The following FAF1 variants were observed in gnomAD, a reference collection of about 807,000 sequenced individuals.
FAF1 encodes the protein Fas associated factor 1.
In FAF1, 25 loss-of-function variants were observed where a neutral mutation model predicts 92.5. The ratio of observed to expected loss-of-function variants is 0.27; its 90% CI spans 0.20 to 0.38. FAF1 has a LOEUF of 0.38. Ranked by LOEUF, FAF1 falls within the 10% of genes least tolerant of loss-of-function variation. The pLI is 1.00. For synonymous variants in FAF1, 234 were observed against 273.2 expected, an observed-to-expected ratio of 0.86 and a Z score of 1.42; for missense variants, 636 against 793.3, an observed-to-expected ratio of 0.80 and a Z score of 2.38.
At chr1:50,642,879 T>C (rs889192092) in intron 8 of FAF1, among the ~76,000 whole-genome samples, 11 of 152,220 alleles carry the variant, frequency 7.2e-5, no homozygotes, top group African/African-American at 2.6e-4. Context: ...CTCATTCTGT[T>C]GCCCAGGTTA....
chr1:50,932,911 T>C (rs960025923), intron 1 of FAF1, among the ~76,000 whole-genome samples: 1 of 152,208 alleles, frequency 6.6e-6, no homozygotes, highest in African/African-American at 2.4e-5. Flanking sequence ...CAACACCATG[T>C]GGAAGCTGCC....
intron 4 of FAF1, among the ~76,000 whole-genome samples, chr1:50,780,176 A>T (rs1661118121): frequency 6.6e-6 from 1 of 152,204 alleles, no homozygotes; most frequent in South Asian, 2.1e-4. Flanking sequence ...TGGATATAAA[A>T]ACAAGACCCA....
chr1:50,729,924 C>T (rs910106576), intron 6 of FAF1, among the ~76,000 whole-genome samples: 5 of 151,866 alleles, frequency 3.3e-5, no homozygotes, highest in South Asian at 2.1e-4. Flanking sequence ...AGGAGGCTGA[C>T]GCAGGAGAGT....
chr1:50,554,530 G>C (rs918901237), intron 13 of FAF1, among the ~76,000 whole-genome samples: 37 of 151,882 alleles, frequency 2.4e-4, no homozygotes, highest in African/African-American at 8.5e-4. Context: ...CCGTACTATA[G>C]TCTTGCTCTT....
intron 16 of FAF1, 100 bp downstream of exon 16, chr1:50,491,621 A>AGAATCTT (rs1646839749): frequency 1.3e-6 from 1 of 771,766 alleles, no homozygotes; most frequent in Non-Finnish European, 2.2e-6. Context: ...AGCTTTCTCT[A>AGAATCTT]TTGCAAACCC....
chr1:50,762,983 C>T lies in FAF1; in HGVS notation c.368-18208G>A, dbSNP rs1367993571. 4.6e-5 allele frequency among the ~76,000 whole-genome samples: 7 copies of T among 152,278 alleles called. No homozygotes were observed. The South Asian group carries it at 6.2e-4, about 14-fold the overall frequency. ...TAAAATATAGAATGTAGGCCAGGCG[C>T]GTTGGCTCATACCTGTAATCCCAGC... On this transcript the variant is annotated intron_variant, in intron 4 of 18. Coordinates refer to ENST00000396153, the MANE Select transcript of FAF1 (RefSeq NM_007051.3).
chr1:50,623,743 A>G (rs999379351), intron 8 of FAF1, among the ~76,000 whole-genome samples: 1 of 152,040 alleles, frequency 6.6e-6, no homozygotes, highest in Non-Finnish European at 1.5e-5. Flanking sequence ...GGTGTTCAAG[A>G]CCAGGCTGGG....
chr1:50,659,110 A>G (rs1655257788), intron 7 of FAF1, among the ~76,000 whole-genome samples: 1 of 152,226 alleles, frequency 6.6e-6, no homozygotes, highest in African/African-American at 2.4e-5. Flanking sequence ...AAAAGTTAGT[A>G]TTCTAGGAAA....
chr1:50,478,310 C>T (rs1403629541), intron 17 of FAF1, among the ~76,000 whole-genome samples: 4 of 151,932 alleles, frequency 2.6e-5, no homozygotes, highest in Non-Finnish European at 5.9e-5. Flanking sequence ...ATTACAGGTG[C>T]GTGCCAGCAC....
intron 18 of FAF1, among the ~76,000 whole-genome samples, chr1:50,452,390 C>T (rs1169361753): frequency 6.6e-6 from 1 of 152,154 alleles, no homozygotes; most frequent in African/African-American, 2.4e-5. Context: ...ACTGATTCTT[C>T]TCAACTCTTG....
rs1656511399 is a variant in FAF1 at position 50,683,402 on chromosome 1, CTGT to C, written c.657+22381_657+22383del. Among the ~76,000 whole-genome samples, 3 of 151,930 alleles carry C rather than the reference CTGT, an allele frequency of 2.0e-5. 1 individual carries two copies. In the South Asian group the frequency reaches 6.2e-4, roughly 32 times the overall value. On this transcript the variant is annotated intron_variant, in intron 7 of 18. Transcript: ENST00000396153. ...ATTAGCTGGGCATAGTGGCATGCAC[CTGT>C]ACTTCCAGCTACTTGGGAGGTTGAG... is the stretch of plus-strand genomic sequence containing the variant.
At chr1:50,538,098 A>G (rs1351033722) in intron 14 of FAF1, among the ~76,000 whole-genome samples, 1 of 151,056 alleles carries the variant, frequency 6.6e-6, no homozygotes, top group East Asian at 1.9e-4. Flanking sequence ...GACACACTTC[A>G]TTATAGGATA....
In FAF1 at chr1:50,941,024, GT is replaced by G. The variant is rs1279444460; in HGVS notation, c.45+18742del. On this transcript the variant is annotated intron_variant, in intron 1 of 18. Transcript: ENST00000396153. ...AAAAAATACTTGGATGCAGTTTGGGGTTTTTTTGGTTTTTTTTTTTTTTTTA... is the reference window on the plus strand; with the variant it reads ...AAAAAATACTTGGATGCAGTTTGGGGTTTTTTGGTTTTTTTTTTTTTTTTA... Among the ~76,000 whole-genome samples the G allele has an allele frequency of 3.3e-5, 5 of 149,760 alleles. No homozygotes were observed. In the South Asian group the frequency reaches 1.1e-3, roughly 32 times the overall value.
chr1:50,874,802 C>T (rs1644557538), intron 1 of FAF1, among the ~76,000 whole-genome samples: 1 of 108,116 alleles, frequency 9.2e-6, no homozygotes, highest in African/African-American at 3.6e-5. Context: ...CAGGGTCTCA[C>T]TCTGTCACCT....
intron 8 of FAF1, among the ~76,000 whole-genome samples, chr1:50,630,110 ATAAATATTGTT>A (rs930404072): frequency 1.3e-5 from 2 of 152,170 alleles, no homozygotes; most frequent in Non-Finnish European, 2.9e-5. Flanking sequence ...AGTAAGATAC[ATAAATATTGTT>A]TAAATATTGT....
intron 1 of FAF1, among the ~76,000 whole-genome samples, chr1:50,932,702 G>A (rs1227128899): frequency 6.6e-6 from 1 of 152,180 alleles, no homozygotes; most frequent in Non-Finnish European, 1.5e-5. Context: ...AGCTCCACTA[G>A]GCAGTGACCT....
chr1:50,447,990 A>G (rs1320486678), intron 18 of FAF1, among the ~76,000 whole-genome samples: 3 of 152,166 alleles, frequency 2.0e-5, no homozygotes, highest in Non-Finnish European at 4.4e-5. Flanking sequence ...TAATTTTTGC[A>G]TTTTTAGAAG....
intron 18 of FAF1, among the ~76,000 whole-genome samples, chr1:50,452,874 C>G (rs1173287841): frequency 6.6e-6 from 1 of 152,212 alleles, no homozygotes; most frequent in East Asian, 1.9e-4. Flanking sequence ...ATCCAAATTT[C>G]TCATCTGTAA....
At chr1:50,953,400 AAAATAAAT>A (rs1018810652) in intron 1 of FAF1, among the ~76,000 whole-genome samples, 3 of 151,622 alleles carry the variant, frequency 2.0e-5, no homozygotes, top group African/African-American at 4.8e-5. Flanking sequence ...AAATACTATA[AAAATAAAT>A]AAATAAATAA....
Sources: gnomAD v4.1 joint callset for allele counts (sites outside exome capture counted in the v4.1 genomes callset) on GRCh38, gnomAD v4.1.1 for gene constraint, MANE v1.5 for transcripts, NCBI Gene and HGNC (gene_info 2026-07-23, HGNC 2026-07-21) for gene names.